Variants in TNRC6A observed in about 807,000 individuals in gnomAD.
The protein encoded by TNRC6A is trinucleotide repeat-containing gene 6A protein.
A neutral mutation model predicts 221.2 loss-of-function variants in TNRC6A; 44 were observed. The observed-to-expected ratio is 0.20, with a 90% confidence interval of 0.16 to 0.26. The LOEUF (loss-of-function observed/expected upper bound fraction) is 0.26, where lower values mean the gene tolerates loss of function less well. Ranked by LOEUF, TNRC6A falls within the 10% of genes least tolerant of loss-of-function variation. The pLI is 1.00. For missense variants in TNRC6A, 2,199 were observed against 2,404.4 expected (o/e 0.91, Z 1.79); for synonymous variants, 847 against 838.5 (o/e 1.01, Z -0.18).
In TNRC6A at chr16:24,825,312, C is replaced by T. The variant is rs990088164; in HGVS notation, c.*1505C>T. 1 of 152,538 alleles carries T rather than the reference C, an allele frequency of 6.6e-6. No individual in the cohort carries two copies. Among genetic ancestry groups the T allele is most frequent in the Non-Finnish European group, 1.5e-5 (1 of 68,016 alleles). 9.4% of individuals were successfully genotyped at this position (152,538 alleles called of 1,614,324 possible). Reference sequence around the variant, plus strand: ...TTGCCATCATATCATTGCCTTGATTCTAACTGTTTGTGTCCTAAGATGCAA... The same window carrying T: ...TTGCCATCATATCATTGCCTTGATTTTAACTGTTTGTGTCCTAAGATGCAA... On this transcript the variant is annotated 3_prime_UTR_variant, in exon 25 of 25. Coordinates refer to ENST00000395799, the MANE Select transcript of TNRC6A (RefSeq NM_014494.4).
At chr16:24,746,160 T>C (rs1306417388) in intron 2 of TNRC6A, among the ~76,000 whole-genome samples, 2 of 152,206 alleles carry the variant, frequency 1.3e-5, no homozygotes, top group Non-Finnish European at 2.9e-5. Context: ...CCTGTCTTAC[T>C]TCACTAATCT....
intron 2 of TNRC6A, among the ~76,000 whole-genome samples, chr16:24,750,052 A>G (rs903509660): frequency 2.6e-5 from 4 of 152,170 alleles, no homozygotes; most frequent in African/African-American, 9.7e-5. Flanking sequence ...AGGCAGGAGA[A>G]TCACTTGAAC....
At chr16:24,673,424 G>A (rs1397492128) in intron 2 of TNRC6A, among the ~76,000 whole-genome samples, 4 of 152,180 alleles carry the variant, frequency 2.6e-5, no homozygotes, top group East Asian at 1.9e-4. Context: ...TTCGCTCACC[G>A]AGGGATGCCT....
rs373486202 is a variant in TNRC6A, at chr16:24,699,286, A to T, written n.403-51440A>T. 4.6e-5 allele frequency among the ~76,000 whole-genome samples: 7 copies of T among 152,308 alleles called. No individual in the cohort carries two copies. The South Asian group carries it at 1.5e-3, about 32-fold the overall frequency. ...GGAGAGAGACAGGCAAAGAATTCTC[A>T]CATGGTGTGAAAGTGGGCAGCACTA... On this transcript the variant is annotated intron_variant and non_coding_transcript_variant, in intron 2 of 2. Coordinates refer to the TNRC6A transcript ENST00000566108.
chr16:24,731,196 C>CT (rs1267826114), intron 2 of TNRC6A, among the ~76,000 whole-genome samples: 1 of 151,946 alleles, frequency 6.6e-6, no homozygotes, highest in Non-Finnish European at 1.5e-5. Flanking sequence ...GAATAGCTTT[C>CT]TTTTTTTCTT....
intron 5 of TNRC6A, among the ~76,000 whole-genome samples, chr16:24,777,939 C>T (rs1238305231): frequency 1.3e-5 from 2 of 152,120 alleles, no homozygotes; most frequent in Non-Finnish European, 2.9e-5. Context: ...TACAGGTTTT[C>T]TCAAAACCCA....
At position 24,633,009 on chromosome 16, in the gene TNRC6A, C is replaced by T. The variant is rs1306147488; in HGVS notation, n.277-7875C>T. Among the ~76,000 whole-genome samples, 4 of 79,120 alleles carry T rather than the reference C, an allele frequency of 5.1e-5. No homozygotes were observed. The East Asian group carries it at 8.7e-4, about 17-fold the overall frequency. 51.9% of individuals were successfully genotyped at this position (79,120 alleles called of 152,430 possible). A position where few individuals can be genotyped will look rare whatever the true frequency, so the allele number is the denominator to read the frequency against. On this transcript the variant is annotated intron_variant and non_coding_transcript_variant, in intron 1 of 2. Coordinates refer to the TNRC6A transcript ENST00000566108. ...GGGTGACAAGAGCAAAACTCAGTCT[C>T]GAAAAAAAAAAAAAAAAATCCAGAC...
At chr16:24,622,525 C>T (rs1189803182) in intron 1 of TNRC6A, among the ~76,000 whole-genome samples, 1 of 151,986 alleles carries the variant, frequency 6.6e-6, no homozygotes, top group Non-Finnish European at 1.5e-5. Context: ...ACCCAGGAGG[C>T]AGAGGTTGCA....
Position 24,790,700 on chromosome 16 carries a change from A to G in TNRC6A, c.2058A>G (p.Gly686=). The change falls in exon 6 of 25, where the codon GGA becomes GGG. Residue 686 remains glycine, a synonymous_variant. Coordinates refer to ENST00000395799, the MANE Select transcript of TNRC6A (RefSeq NM_014494.4). ...GCACTGGACGCCTTGAGGAAAAAGG[A>G]ACTGGGGAAAGTCAGAGTAGAGACA... ...TESTGRLEEK[G]TGESQSRDRR... 1 of 1,614,218 alleles carries G rather than the reference A, an allele frequency of 6.2e-7. No homozygotes were observed. The highest frequency in any genetic ancestry group is 8.5e-7 in the Non-Finnish European group (1 of 1,180,050).
In TNRC6A at chr16:24,822,915, C is replaced by T. The variant is rs199539122; in HGVS notation, c.5415C>T (p.Gly1805=). 1.2e-6 allele frequency: 2 copies of T among 1,614,042 alleles called. No homozygotes were observed. Among genetic ancestry groups the T allele is most frequent in the African/African-American group, 1.3e-5 (1 of 74,942 alleles). Residue 1805 remains glycine, a synonymous_variant, in exon 24 of 25, where the codon GGC becomes GGT. Transcript: ENST00000395799. ...TGCGCACTCTGTGCATGCAGCACGG[C>T]CCGCTGATCACATTCCACCTGAACC... The part of the protein sequence containing the change: ...STLRTLCMQH[G]PLITFHLNLP...
At chr16:24,808,885 A>G (rs1411480075) in intron 17 of TNRC6A, among the ~76,000 whole-genome samples, 2 of 152,202 alleles carry the variant, frequency 1.3e-5, no homozygotes, top group African/African-American at 4.8e-5. Flanking sequence ...TAAGGTTGAA[A>G]TTTCCATTCT....
intron 2 of TNRC6A, among the ~76,000 whole-genome samples, chr16:24,645,967 C>A (rs1902268363): frequency 6.6e-6 from 1 of 150,874 alleles, no homozygotes; most frequent in Non-Finnish European, 1.5e-5. Context: ...TGCCGTGAGC[C>A]AAGATAATGC....
chr16:24,737,415 T>G (rs1367461230), intron 2 of TNRC6A, among the ~76,000 whole-genome samples: 1 of 152,234 alleles, frequency 6.6e-6, no homozygotes, highest in Admixed American at 6.5e-5. Flanking sequence ...ATTTAAGATG[T>G]CTTATTTTAA....
At chr16:24,750,605 A>G (rs2057114171) in intron 2 of TNRC6A, 121 bp from the exon 3 acceptor site, 2 of 1,213,460 alleles carry the variant, frequency 1.6e-6, no homozygotes. Flanking sequence ...TCAATGAATG[A>G]TAAAATAATA....
In TNRC6A at chr16:24,666,660, A is replaced by T. The variant is rs2343352; in HGVS notation, n.402+25651A>T. 5.3e-3 allele frequency among the ~76,000 whole-genome samples: 627 copies of T among 118,718 alleles called. 6 individuals carry two copies. The highest frequency in any genetic ancestry group is 0.02 in the African/African-American group (562 of 27,544). 77.9% of individuals were successfully genotyped at this position (118,718 alleles called of 152,430 possible). A position where few individuals can be genotyped will look rare whatever the true frequency, so the allele number is the denominator to read the frequency against. On this transcript the variant is annotated intron_variant and non_coding_transcript_variant, in intron 2 of 2. Coordinates refer to the TNRC6A transcript ENST00000566108. Reference sequence around the variant, plus strand: ...TAGAGAAAAAAAAAAAAAAAAAAAAAAAAAAAAAATATATATATATATATA... The same window carrying T: ...TAGAGAAAAAAAAAAAAAAAAAAAATAAAAAAAAATATATATATATATATA...
At chr16:24,664,640 ATATATT>A (rs1307902886) in intron 2 of TNRC6A, among the ~76,000 whole-genome samples, 24 of 136,214 alleles carry the variant, frequency 1.8e-4, no homozygotes, top group Admixed American at 9.6e-4. Flanking sequence ...TTATTAATAA[ATATATT>A]TATTAATAAT....
At chr16:24,650,404 C>G (rs1902574098) in intron 2 of TNRC6A, among the ~76,000 whole-genome samples, 1 of 152,102 alleles carries the variant, frequency 6.6e-6, no homozygotes, top group South Asian at 2.1e-4. Context: ...GTGGCTCACG[C>G]CTGTAATCCC....
In TNRC6A at chr16:24,777,366, A is replaced by G. The variant is rs1340104505; in HGVS notation, c.589+8A>G. The G allele has an allele frequency of 3.7e-6, 6 of 1,601,874 alleles. No individual in the cohort carries two copies. Among genetic ancestry groups the G allele is most frequent in the Non-Finnish European group, 4.3e-6 (5 of 1,175,902 alleles). On this transcript the variant is annotated splice_region_variant and intron_variant, in intron 5 of 24. Coordinates refer to ENST00000395799, the MANE Select transcript of TNRC6A (RefSeq NM_014494.4). ...ACAGCAAAAACCAGTCAGGTGAGAG[A>G]AGGCATTTCTTACGAGACTCACACC...
At chr16:24,707,113 A>G (rs1596525284) in intron 2 of TNRC6A, among the ~76,000 whole-genome samples, 1 of 151,718 alleles carries the variant, frequency 6.6e-6, no homozygotes, top group African/African-American at 2.4e-5. Flanking sequence ...CTCCTTCCTC[A>G]CCCTCCTGAG....
Sources: allele counts gnomAD v4.1 joint callset (sites outside exome capture counted in the v4.1 genomes callset), GRCh38; gene constraint gnomAD v4.1.1; transcripts MANE v1.5; gene names NCBI Gene and HGNC (gene_info 2026-07-23, HGNC 2026-07-21).